The following ZBTB20 variants were observed in gnomAD, a reference collection of about 807,000 sequenced individuals.
ZBTB20 encodes zinc finger and BTB domain containing 20.
A neutral mutation model predicts 56.9 loss-of-function variants in ZBTB20; 9 were observed. The observed-to-expected ratio is 0.16, with a 90% CI of 0.10 to 0.28. The LOEUF (loss-of-function observed/expected upper bound fraction) is 0.28. ZBTB20 is among the 10% of genes least tolerant of loss of function. The pLI, the probability that ZBTB20 is intolerant of heterozygous loss-of-function variation, is 1.00. For missense variants in ZBTB20, 655 were observed against 1,003.0 expected (o/e 0.65, Z 4.69); for synonymous variants, 417 against 420.7 (o/e 0.99, Z 0.11).
chr3:115,050,316 A>T (rs2081496674), intron 2 of ZBTB20, among the ~76,000 whole-genome samples: 1 of 151,966 alleles, frequency 6.6e-6, no homozygotes, highest in Non-Finnish European at 1.5e-5. Flanking sequence ...AATTATGTAT[A>T]TGCTATGAAA....
At chr3:114,606,786 T>C (rs1389915282) in intron 6 of ZBTB20, among the ~76,000 whole-genome samples, 1 of 151,956 alleles carries the variant, frequency 6.6e-6, no homozygotes, top group African/African-American at 2.4e-5. Flanking sequence ...CATGGCTATT[T>C]TTGAATATTT....
chr3:114,817,723 T>A (rs1393953311), intron 4 of ZBTB20, among the ~76,000 whole-genome samples: 2 of 152,132 alleles, frequency 1.3e-5, no homozygotes, highest in Non-Finnish European at 2.9e-5. Context: ...TTGTAATTCA[T>A]AATAACTAGC....
At position 114,380,278 on chromosome 3, in the gene ZBTB20, T is replaced by C. The variant is rs755889550; in HGVS notation, c.138A>G (p.Pro46=). The C allele has an allele frequency of 1.2e-5, 19 of 1,537,040 alleles. No individual in the cohort carries two copies. Among genetic ancestry groups the C allele is most frequent in the Non-Finnish European group, 1.7e-5 (19 of 1,146,880 alleles). Residue 46 remains proline, a synonymous_variant, in exon 10 of 12, where the codon CCA becomes CCG. Transcript: ENST00000675478. ...LNFEAVLSPD[P]ALIHSTHSLT... is the part of the protein sequence containing the mutation. ...GTGAATGTGTTGAGTGGATGAGGGC[T>C]GGGTCTGGAGACAAAACAGCTTCAA...
chr3:114,577,885 T>A (rs1197962190), intron 6 of ZBTB20, among the ~76,000 whole-genome samples: 1 of 152,192 alleles, frequency 6.6e-6, no homozygotes, highest in Admixed American at 6.5e-5. Flanking sequence ...AACCCCTAGT[T>A]AGGGACATGT....
In ZBTB20 at chr3:114,952,411, G is replaced by A. The variant is rs188559027; in HGVS notation, c.-456+21955C>T. Among the ~76,000 whole-genome samples the A allele has an allele frequency of 2.3e-3, 357 of 152,100 alleles. 2 individuals carry two copies. Among genetic ancestry groups the A allele is most frequent in the African/African-American group, 8.4e-3 (350 of 41,534 alleles). On this transcript the variant is annotated intron_variant, in intron 3 of 11. Transcript: ENST00000675478. ...TAGACTTCTCAGCTTTTAGAACTGT[G>A]AGCCAAATAAATATGTCTGTTCTGT...
intron 11 of ZBTB20, among the ~76,000 whole-genome samples, chr3:114,345,052 A>G (rs1036773210): frequency 4.6e-5 from 7 of 152,208 alleles, no homozygotes; most frequent in African/African-American, 1.4e-4. Flanking sequence ...AAAGAGAAAA[A>G]ACAAAGAAAT....
intron 10 of ZBTB20, among the ~76,000 whole-genome samples, chr3:114,374,042 G>A (rs116424487): frequency 0.024 from 3,624 of 152,192 alleles, 84 homozygotes; most frequent in Middle Eastern, 0.034. Flanking sequence ...TAAAAAAAAC[G>A]AACTGGCCTT....
chr3:115,034,678 C>A (rs1435895001), intron 2 of ZBTB20, among the ~76,000 whole-genome samples: 1 of 151,844 alleles, frequency 6.6e-6, no homozygotes. Context: ...AATGTATTCC[C>A]TATAAAAATC....
At chr3:115,009,529 T>C (rs561273422) in intron 2 of ZBTB20, among the ~76,000 whole-genome samples, 19 of 151,982 alleles carry the variant, frequency 1.3e-4, no homozygotes, top group Admixed American at 8.5e-4. Flanking sequence ...TATGTGCATG[T>C]TCATGTGCCT....
intron 7 of ZBTB20, among the ~76,000 whole-genome samples, chr3:114,443,234 C>G (rs1261614904): frequency 6.6e-6 from 1 of 152,172 alleles, no homozygotes; most frequent in African/African-American, 2.4e-5. Context: ...TGGCTTATAA[C>G]AGATGCAACC....
chr3:114,344,723 T>C (rs2080051734), intron 11 of ZBTB20, among the ~76,000 whole-genome samples: 1 of 152,230 alleles, frequency 6.6e-6, no homozygotes, highest in African/African-American at 2.4e-5. Context: ...TTGATATAAT[T>C]AATAGTCCAA....
intron 5 of ZBTB20, among the ~76,000 whole-genome samples, chr3:114,774,291 A>G (rs75221640): frequency 0.034 from 5,218 of 152,288 alleles, 144 homozygotes; most frequent in African/African-American, 0.07. Context: ...AGGATAAATG[A>G]AGTTAATTTT....
At chr3:114,634,690 C>T (rs938055584) in intron 6 of ZBTB20, among the ~76,000 whole-genome samples, 5 of 152,146 alleles carry the variant, frequency 3.3e-5, no homozygotes, top group Non-Finnish European at 7.4e-5. Flanking sequence ...GTAAAAAGTG[C>T]AATTTCATGT....
At chr3:114,439,058 T>C (rs1451629368) in intron 7 of ZBTB20, among the ~76,000 whole-genome samples, 2 of 152,130 alleles carry the variant, frequency 1.3e-5, no homozygotes, top group African/African-American at 2.4e-5. Flanking sequence ...ATTTGATAGA[T>C]TGCAACTGCA....
intron 4 of ZBTB20, among the ~76,000 whole-genome samples, chr3:114,813,042 C>T (rs2072668529): frequency 6.6e-6 from 1 of 152,086 alleles, no homozygotes; most frequent in Non-Finnish European, 1.5e-5. Context: ...TCTCCCTCCA[C>T]ACCTCCTCGC....
chr3:114,404,275 C>T (rs1175305132), intron 7 of ZBTB20, among the ~76,000 whole-genome samples: 2 of 152,116 alleles, frequency 1.3e-5, no homozygotes, highest in Non-Finnish European at 2.9e-5. Context: ...TCATCCTTCC[C>T]ACAAGGCCCT....
intron 11 of ZBTB20, among the ~76,000 whole-genome samples, chr3:114,340,327 T>A (rs1290755603): frequency 6.6e-6 from 1 of 152,044 alleles, no homozygotes; most frequent in Non-Finnish European, 1.5e-5. Context: ...AGTGTGGGAA[T>A]ACATGCATGG....
rs145029512 is a variant in ZBTB20 at position 114,717,105 on chromosome 3, C to CTT, written c.-342-23532_-342-23531dup. Among the ~76,000 whole-genome samples the CTT allele has an allele frequency of 8.1e-3, 1,233 of 152,226 alleles. 12 individuals carry two copies. The highest frequency in any genetic ancestry group is 0.027 in the African/African-American group (1,123 of 41,562). On this transcript the variant is annotated intron_variant, in intron 5 of 11. Coordinates refer to ENST00000675478, the MANE Select transcript of ZBTB20 (RefSeq NM_001348800.3). ...GCACACTGTGTGGTTTTGCCAGTTA[C>CTT]TTACCCTTGCAGAGCCTTGGTTTCC...
intron 6 of ZBTB20, among the ~76,000 whole-genome samples, chr3:114,632,649 T>C (rs1337050341): frequency 6.6e-6 from 1 of 152,216 alleles, no homozygotes; most frequent in Non-Finnish European, 1.5e-5. Flanking sequence ...TAAAATGAAA[T>C]TCTATTGTAT....
Sources: allele counts gnomAD v4.1 joint callset (sites outside exome capture counted in the v4.1 genomes callset), GRCh38; gene constraint gnomAD v4.1.1; transcripts MANE v1.5; gene names NCBI Gene and HGNC (gene_info 2026-07-23, HGNC 2026-07-21).